The following CLSTN1 variants were observed in gnomAD, a reference collection of about 807,000 sequenced individuals.
CLSTN1 encodes calsyntenin 1.
CLSTN1 carries 28 observed loss-of-function variants against 108.3 expected under a neutral mutation model. The observed-to-expected ratio is 0.26, with a 90% CI of 0.19 to 0.35. The LOEUF is 0.35. Ranked by LOEUF, CLSTN1 falls within the 10% of genes least tolerant of loss-of-function variation. The probability of loss-of-function intolerance (pLI) is 1.00; values close to 1 mark genes in which losing one functional copy is unlikely to be tolerated. For synonymous variants in CLSTN1, 524 were observed against 534.9 expected (o/e 0.98, Z 0.28); for missense variants, 1,157 against 1,302.6 (o/e 0.89, Z 1.72).
intron 1 of CLSTN1, among the ~76,000 whole-genome samples, chr1:9,800,620 C>T (rs1040040307): frequency 6.7e-6 from 1 of 148,868 alleles, no homozygotes; most frequent in Non-Finnish European, 1.5e-5. Flanking sequence ...GTCCCAGCTA[C>T]TCAGGAGGCT....
At chr1:9,802,798 A>G (rs932781632) in intron 1 of CLSTN1, among the ~76,000 whole-genome samples, 1 of 150,164 alleles carries the variant, frequency 6.7e-6, no homozygotes, top group African/African-American at 2.4e-5. Flanking sequence ...TTCTAGCCAT[A>G]TAATTAAGGA....
At chr1:9,735,421 A>G (rs1180562858) in intron 13 of CLSTN1, 46 bp downstream of exon 13, 9 of 1,613,320 alleles carry the variant, frequency 5.6e-6, no homozygotes, top group Non-Finnish European at 7.6e-6. Context: ...TAAATATACA[A>G]GTGTCATTGG....
intron 16 of CLSTN1, among the ~76,000 whole-genome samples, chr1:9,733,131 A>G (rs1310679749): frequency 6.6e-6 from 1 of 152,178 alleles, no homozygotes; most frequent in Admixed American, 6.5e-5. Context: ...ACCTCCCTGC[A>G]AAGTTCCTTA....
intron 2 of CLSTN1, among the ~76,000 whole-genome samples, chr1:9,760,159 T>A (rs972906637): frequency 6.6e-6 from 1 of 152,206 alleles, no homozygotes; most frequent in African/African-American, 2.4e-5. Context: ...TAATCAATAT[T>A]CTGAGTATTG....
At chr1:9,756,903 C>T (rs375588151) in intron 2 of CLSTN1, among the ~76,000 whole-genome samples, 1 of 151,982 alleles carries the variant, frequency 6.6e-6, no homozygotes, top group Non-Finnish European at 1.5e-5. Flanking sequence ...CTCAGCCTCC[C>T]GAGTAGCTGG....
intron 1 of CLSTN1, among the ~76,000 whole-genome samples, chr1:9,796,344 G>A (rs1467529776): frequency 6.7e-6 from 1 of 150,340 alleles, no homozygotes; most frequent in Non-Finnish European, 1.5e-5. Context: ...ACTTCCTGGT[G>A]ACTGAGGACA....
At chr1:9,766,379 C>A (rs1177576158) in intron 2 of CLSTN1, among the ~76,000 whole-genome samples, 2 of 152,164 alleles carry the variant, frequency 1.3e-5, no homozygotes, top group Non-Finnish European at 1.5e-5. Flanking sequence ...ACAAAATAGG[C>A]CGGGCGCGGT....
chr1:9,745,803 C>T (rs1430887784), intron 7 of CLSTN1, among the ~76,000 whole-genome samples: 1 of 124,580 alleles, frequency 8.0e-6, no homozygotes, highest in Non-Finnish European at 1.6e-5. Context: ...AGGGTCTCCT[C>T]TCTCGCCCAG....
At chr1:9,801,822 C>G (rs1458117086) in intron 1 of CLSTN1, among the ~76,000 whole-genome samples, 1 of 152,174 alleles carries the variant, frequency 6.6e-6, no homozygotes, top group Non-Finnish European at 1.5e-5. Context: ...TCCCAAAGTG[C>G]TGGGATTACA....
rs577903798 is a variant in CLSTN1, at chr1:9,729,201, T to C, written c.*1307A>G. Reference sequence around the variant, plus strand: ...ACGGGACATGGAGGATGGCCACACATAGCACAGCCACCAGTGTCCTCAGAA... The same window carrying C: ...ACGGGACATGGAGGATGGCCACACACAGCACAGCCACCAGTGTCCTCAGAA... On this transcript the variant is annotated 3_prime_UTR_variant, in exon 19 of 19. Transcript: ENST00000377298. 4.6e-5 allele frequency: 7 copies of C among 152,438 alleles called. No individual in the cohort carries two copies. The South Asian group carries it at 1.0e-3, about 23-fold the overall frequency. The allele number at this position is 152,438 out of a possible 1,614,324, so 9.4% of individuals were successfully genotyped here. A position where few individuals can be genotyped will look rare whatever the true frequency, so the allele number is the denominator to read the frequency against.
Position 9,745,509 on chromosome 1 carries a change from T to C in CLSTN1, c.986-866A>G, listed in dbSNP as rs190901936. Among the ~76,000 whole-genome samples the C allele has an allele frequency of 5.8e-3, 879 of 151,728 alleles. 10 individuals carry two copies. The highest frequency in any genetic ancestry group is 0.02 in the African/African-American group (844 of 41,408). ...CTGTCAATACAAAAAACACAAAAAT[T>C]AGCCAGGTGTGGTGGTGCATCCCTG... On this transcript the variant is annotated intron_variant, in intron 7 of 18. Coordinates refer to ENST00000377298, the MANE Select transcript of CLSTN1 (RefSeq NM_001009566.3).
chr1:9,778,690 T>C (rs868360678), intron 1 of CLSTN1, among the ~76,000 whole-genome samples: 3 of 152,040 alleles, frequency 2.0e-5, no homozygotes, highest in Middle Eastern at 3.2e-3. Context: ...CCCCCGTCCA[T>C]AGGCTGCTCT....
At chr1:9,743,378 G>A (rs1651075437) in intron 9 of CLSTN1, among the ~76,000 whole-genome samples, 1 of 152,148 alleles carries the variant, frequency 6.6e-6, no homozygotes, top group Non-Finnish European at 1.5e-5. Flanking sequence ...AGACTAGCCT[G>A]GCTAATATGG....
intron 1 of CLSTN1, among the ~76,000 whole-genome samples, chr1:9,794,319 T>C (rs753934359): frequency 6.6e-6 from 1 of 151,544 alleles, no homozygotes; most frequent in East Asian, 2.0e-4. Flanking sequence ...ACCAATTAAA[T>C]GTTGTTTGAG....
At chr1:9,767,804 C>T (rs186773387) in intron 2 of CLSTN1, among the ~76,000 whole-genome samples, 4 of 152,226 alleles carry the variant, frequency 2.6e-5, no homozygotes, top group East Asian at 1.9e-4. Context: ...AACACTATAA[C>T]GACTTTTGTA....
intron 2 of CLSTN1, among the ~76,000 whole-genome samples, chr1:9,757,587 A>G (rs946066667): frequency 6.6e-6 from 1 of 152,166 alleles, no homozygotes; most frequent in African/African-American, 2.4e-5. Flanking sequence ...AAAAATGACA[A>G]TATTTTTCTA....
At chr1:9,755,505 C>G (rs1236613706) in intron 3 of CLSTN1, among the ~76,000 whole-genome samples, 196 bp from the exon 4 acceptor site, 1 of 152,164 alleles carries the variant, frequency 6.6e-6, no homozygotes, top group Non-Finnish European at 1.5e-5. Context: ...TAAGATGAAG[C>G]AGATTCTGGC....
intron 1 of CLSTN1, among the ~76,000 whole-genome samples, chr1:9,784,970 C>T (rs1028620577): frequency 6.7e-6 from 1 of 149,866 alleles, no homozygotes; most frequent in Non-Finnish European, 1.5e-5. Context: ...CTCTGGGTCT[C>T]TAAGTATTGT....
intron 1 of CLSTN1, among the ~76,000 whole-genome samples, chr1:9,789,112 T>C (rs1008352691): frequency 2.6e-5 from 4 of 151,452 alleles, no homozygotes; most frequent in African/African-American, 7.2e-5. Context: ...CTTTTGGCCA[T>C]TGTGAACAAT....
Sources: gnomAD v4.1 joint callset for allele counts (sites outside exome capture counted in the v4.1 genomes callset) on GRCh38, gnomAD v4.1.1 for gene constraint, MANE v1.5 for transcripts, NCBI Gene and HGNC (gene_info 2026-07-23, HGNC 2026-07-21) for gene names.